The following TTC7A variants were observed in gnomAD, a reference collection of about 807,000 sequenced individuals.
TTC7A encodes the protein tetratricopeptide repeat protein 7A.
TTC7A carries 110 observed loss-of-function variants against 103.7 expected under a neutral mutation model. That is an observed-to-expected ratio of 1.06 (90% CI 0.91 to 1.24). The LOEUF is 1.24. Ranked by LOEUF, TTC7A falls within the 50% of genes most tolerant of loss-of-function variation. TTC7A has a pLI of 0.00. For missense variants in TTC7A, 1,340 were observed against 1,116.3 expected (o/e 1.20, Z -2.86); for synonymous variants, 521 against 467.9 (o/e 1.11, Z -1.47).
intron 16 of TTC7A, 146 bp from the exon 17 acceptor site, chr2:47,049,803 G>A: frequency 1.6e-6 from 1 of 640,686 alleles, no homozygotes; most frequent in Non-Finnish European, 2.8e-6. Flanking sequence ...CTGTCTTTGG[G>A]CCTGAACCCA....
At chr2:47,049,584 C>A (rs1191157646) in intron 16 of TTC7A, among the ~76,000 whole-genome samples, 1 of 152,068 alleles carries the variant, frequency 6.6e-6, no homozygotes, top group Non-Finnish European at 1.5e-5. Context: ...CCTATGAAGA[C>A]CAGGCTTTCC....
chr2:47,008,887 T>C (rs961839836), intron 10 of TTC7A, among the ~76,000 whole-genome samples: 6 of 148,424 alleles, frequency 4.0e-5, no homozygotes, highest in Middle Eastern at 3.2e-3. Context: ...GCTGTGTTGC[T>C]AGGTAACCAG....
intron 3 of TTC7A, among the ~76,000 whole-genome samples, chr2:46,957,799 C>T (rs979912085): frequency 4.6e-5 from 7 of 152,160 alleles, no homozygotes; most frequent in Non-Finnish European, 8.8e-5. Flanking sequence ...GCCTGCTGTC[C>T]GGAATCTTGG....
At chr2:47,071,695 A>C (rs554541486) in intron 19 of TTC7A, among the ~76,000 whole-genome samples, 5 of 152,164 alleles carry the variant, frequency 3.3e-5, no homozygotes, top group African/African-American at 9.7e-5. Context: ...TTTCCTCCCT[A>C]CAGACACACA....
intron 4 of TTC7A, 43 bp from the exon 5 acceptor site, chr2:46,978,749 C>T (rs979722413): frequency 2.6e-6 from 4 of 1,560,264 alleles, no homozygotes; most frequent in Non-Finnish European, 8.8e-7. Flanking sequence ...CCCTCTGCCT[C>T]AGAACTTTGA....
chr2:46,977,859 C>T (rs2104258747), intron 4 of TTC7A, among the ~76,000 whole-genome samples: 1 of 152,310 alleles, frequency 6.6e-6, no homozygotes, highest in South Asian at 2.1e-4. Context: ...AAACGTGAGC[C>T]ACCACATCTG....
intron 3 of TTC7A, among the ~76,000 whole-genome samples, chr2:46,970,460 G>T (rs543994147): frequency 1.3e-5 from 2 of 152,360 alleles, no homozygotes; most frequent in East Asian, 3.9e-4. Flanking sequence ...CTTGGGGCTG[G>T]CAGCTTGAAC....
chr2:46,961,503 G>A (rs969194576), intron 3 of TTC7A, among the ~76,000 whole-genome samples: 16 of 151,806 alleles, frequency 1.1e-4, no homozygotes. Flanking sequence ...CATGAACCCG[G>A]GAGGCGGAGC....
chr2:47,036,176 TAAG>T (rs1265478804), intron 15 of TTC7A, among the ~76,000 whole-genome samples: 2 of 152,214 alleles, frequency 1.3e-5, no homozygotes, highest in South Asian at 4.1e-4. Context: ...CAGAAACAGA[TAAG>T]AATGCCATGT....
At chr2:47,055,328 C>G (rs562241380) in intron 18 of TTC7A, among the ~76,000 whole-genome samples, 2 of 152,198 alleles carry the variant, frequency 1.3e-5, no homozygotes, top group Non-Finnish European at 2.9e-5. Context: ...TTCAAAGAGA[C>G]TGTCGTAGCC....
intron 17 of TTC7A, chr2:47,050,771 T>G (rs369262006): frequency 3.3e-5 from 5 of 152,162 alleles, no homozygotes; most frequent in African/African-American, 9.7e-5. Flanking sequence ...AGCTTCTGTC[T>G]CCCAGGAGGG....
chr2:46,995,860 C>G (rs1355173947), intron 8 of TTC7A, among the ~76,000 whole-genome samples: 5 of 152,244 alleles, frequency 3.3e-5, no homozygotes, highest in African/African-American at 1.2e-4. Flanking sequence ...TAAAGGGAAG[C>G]AGGCAGTAAA....
intron 12 of TTC7A, 36 bp from the exon 13 acceptor site, chr2:47,023,372 C>A (rs565325638): frequency 7.4e-6 from 12 of 1,611,930 alleles, no homozygotes; most frequent in African/African-American, 2.7e-5. Context: ...CCTTCAGTGA[C>A]CCCTGATGGC....
Position 47,050,164 on chromosome 2 carries a change from G to A in TTC7A, c.2017+118G>A, listed in dbSNP as rs1012038632. Reference sequence around the variant, plus strand: ...TCCCAGCCGGGCCAAGCCCACCACTGGCTCCTTGCCAGCTCGGGCAACTTC... The same window carrying A: ...TCCCAGCCGGGCCAAGCCCACCACTAGCTCCTTGCCAGCTCGGGCAACTTC... On this transcript the variant is annotated intron_variant, in intron 17 of 19. Transcript: ENST00000319190. The A allele has an allele frequency of 2.2e-5, 19 of 865,428 alleles. No individual in the cohort carries two copies. The Admixed American group carries it at 2.7e-4, about 12-fold the overall frequency. 53.6% of individuals were successfully genotyped at this position (865,428 alleles called of 1,614,324 possible).
At chr2:47,020,284 C>A (rs376329862) in intron 11 of TTC7A, among the ~76,000 whole-genome samples, 9 of 152,364 alleles carry the variant, frequency 5.9e-5, no homozygotes, top group African/African-American at 2.2e-4. Flanking sequence ...TTCCAGTGCT[C>A]TTCTCACCAT....
At chr2:46,981,548 A>C (rs1271676631) in intron 5 of TTC7A, among the ~76,000 whole-genome samples, 1 of 152,222 alleles carries the variant, frequency 6.6e-6, no homozygotes, top group Admixed American at 6.5e-5. Context: ...GAGAGGGTCC[A>C]TGGCCAAATA....
At chr2:47,042,052 C>T (rs1244135619) in intron 15 of TTC7A, among the ~76,000 whole-genome samples, 1 of 151,974 alleles carries the variant, frequency 6.6e-6, no homozygotes, top group Non-Finnish European at 1.5e-5. Context: ...GGGGTTCCTG[C>T]GGGTGGTAGA....
chr2:47,005,503 A>T (rs1677281737), intron 8 of TTC7A, among the ~76,000 whole-genome samples: 1 of 152,230 alleles, frequency 6.6e-6, no homozygotes, highest in African/African-American at 2.4e-5. Flanking sequence ...CCGCTTCCAG[A>T]TACAGGGAGA....
intron 18 of TTC7A, among the ~76,000 whole-genome samples, chr2:47,052,733 A>G (rs1002889072): frequency 3.3e-5 from 5 of 152,196 alleles, no homozygotes; most frequent in Non-Finnish European, 7.3e-5. Context: ...GGAGGAGGAT[A>G]GGCTAAATGG....
Sources: gnomAD v4.1 joint callset for allele counts (sites outside exome capture counted in the v4.1 genomes callset) on GRCh38, gnomAD v4.1.1 for gene constraint, MANE v1.5 for transcripts, NCBI Gene and HGNC (gene_info 2026-07-23, HGNC 2026-07-21) for gene names.